MCM6: variants seen among roughly 807,000 people sequenced by gnomAD.
MCM6 encodes the protein DNA replication licensing factor MCM6.
Under a neutral mutation model 94.3 loss-of-function variants are expected in MCM6, and 46 were observed. That is an observed-to-expected ratio of 0.49 (90% CI 0.39 to 0.62). The LOEUF is 0.62. Among genes scored for constraint, MCM6 ranks in the 20% least tolerant of loss-of-function variants. The pLI is 0.00. For synonymous variants in MCM6, 335 were observed against 351.9 expected (o/e 0.95, Z 0.54); for missense variants, 865 against 1,017.9 (o/e 0.85, Z 2.04).
chr2:135,874,924 G>C (rs1680267933), intron 1 of MCM6, among the ~76,000 whole-genome samples: 1 of 152,144 alleles, frequency 6.6e-6, no homozygotes, highest in Non-Finnish European at 1.5e-5. Flanking sequence ...AGACACAAAA[G>C]GACAAATACT....
intron 11 of MCM6, among the ~76,000 whole-genome samples, chr2:135,854,582 A>T (rs1679839790): frequency 7.5e-6 from 1 of 132,892 alleles, no homozygotes; most frequent in African/African-American, 2.8e-5. Context: ...GAAAAAGAAA[A>T]GGCTTTTTGG....
intron 15 of MCM6, 96 bp downstream of exon 15, chr2:135,846,141 G>A (rs1679666422): frequency 5.5e-6 from 7 of 1,280,160 alleles, no homozygotes; most frequent in South Asian, 2.8e-5. Flanking sequence ...CCTCTCTTCC[G>A]ACAGAACAAC....
At chr2:135,856,427 TGA>T (rs1419863165) in intron 11 of MCM6, among the ~76,000 whole-genome samples, 1 of 152,146 alleles carries the variant, frequency 6.6e-6, no homozygotes, top group Non-Finnish European at 1.5e-5. Context: ...CAGTCTCCAG[TGA>T]GAGGCTGTTT....
chr2:135,866,656 C>A lies in MCM6; in HGVS notation c.688G>T (p.Ala230Ser), dbSNP rs1356179748. ...IPRSLEVILR[A>S]EAVESAQAGD... ...GCTTGAGCTGATTCCACAGCTTCAG[C>A]CCTTAAAATTACTTCTAAACTGCGG... is the stretch of plus-strand genomic sequence containing the variant. Residue 230 changes from alanine to serine, a missense_variant, in exon 5 of 17, where the codon GCT (alanine) becomes TCT (serine). Around this residue, in one of 3 missense-constraint regions of MCM6, gnomAD observed 404 missense variants for 451.9 expected, o/e 0.89. Transcript: ENST00000264156. 2 of 1,614,014 alleles carry A rather than the reference C, an allele frequency of 1.2e-6. No individual in the cohort carries two copies. The highest frequency in any genetic ancestry group is 2.7e-5 in the African/African-American group (2 of 74,910).
intron 15 of MCM6, among the ~76,000 whole-genome samples, chr2:135,845,015 C>A (rs114203000): frequency 1.6e-3 from 248 of 152,282 alleles, no homozygotes; most frequent in African/African-American, 5.8e-3. Context: ...TCTGAGAATG[C>A]TTGCCAACAG....
chr2:135,842,526 TCA>T (rs1215850317), intron 16 of MCM6, among the ~76,000 whole-genome samples: 1 of 152,144 alleles, frequency 6.6e-6, no homozygotes, highest in African/African-American at 2.4e-5. Flanking sequence ...GTCTCTACCC[TCA>T]CAGAGCTTAT....
chr2:135,872,838 T>C lies in MCM6; in HGVS notation c.113A>G (p.Gln38Arg), dbSNP rs538983384. The change falls in exon 2 of 17, where the codon CAG (glutamine) becomes CGG (arginine). Residue 38 changes from glutamine (Q) to arginine (R), a missense_variant. By Grantham distance (43) the Gln-to-Arg change is conservative. Around this residue, in one of 3 missense-constraint regions of MCM6, gnomAD observed 404 missense variants for 451.9 expected, o/e 0.89. Transcript: ENST00000264156. The part of the protein sequence containing the change: ...KLFLDFLEEF[Q>R]SSDGEIKYLQ... ...GTATTTAATTTCTCCATCGCTGCTC[T>C]GAAACCTGCAGGTACATTCGAGTCA... 6.2e-7 allele frequency: 1 copy of C among 1,614,052 alleles called. No individual in the cohort carries two copies. Among genetic ancestry groups the C allele is most frequent in the African/African-American group, 1.3e-5 (1 of 75,050 alleles).
intron 7 of MCM6, among the ~76,000 whole-genome samples, chr2:135,863,670 T>C (rs1208623480): frequency 1.3e-5 from 2 of 152,020 alleles, no homozygotes; most frequent in South Asian, 2.1e-4. Flanking sequence ...GTTGAGGCTG[T>C]AGTAGGCAAT....
chr2:135,866,083 C>G lies in MCM6; in HGVS notation c.927+49G>C, dbSNP rs1553439181. 4.4e-6 allele frequency: 7 copies of G among 1,604,800 alleles called. 1 individual carries two copies. The highest frequency in any genetic ancestry group is 1.3e-5 in the African/African-American group (1 of 74,530). Reference sequence around the variant, plus strand: ...TGCCATTGCACTCCAGCCTGGGTGACAGAGAGAGACTGTTTCAAAAACAAA... The same window carrying G: ...TGCCATTGCACTCCAGCCTGGGTGAGAGAGAGAGACTGTTTCAAAAACAAA... On this transcript the variant is annotated intron_variant, in intron 6 of 16. Transcript: ENST00000264156.
rs139460893 is a variant in MCM6 at position 135,872,788 on chromosome 2, G to T, written c.163C>A (p.Arg55Ser). The T allele has an allele frequency of 8.4e-5, 135 of 1,614,016 alleles. 1 individual carries two copies. The Middle Eastern group carries it at 4.1e-3, about 49-fold the overall frequency. The change falls in exon 2 of 17, where the codon CGT becomes AGT. Residue 55 changes from arginine (R) to serine (S), a missense_variant. Around this residue, in one of 3 missense-constraint regions of MCM6, gnomAD observed 404 missense variants for 451.9 expected, o/e 0.89. Coordinates refer to ENST00000264156, the MANE Select transcript of MCM6 (RefSeq NM_005915.6). ...KYLQLAEELI[R>S]PERNTLVVSF... ...ACAACCAATGTGTTTCTCTCAGGAC[G>T]AATCAGTTCCTCTGCTAATTGCAAG...
intron 1 of MCM6, 152 bp from the exon 2 acceptor site, chr2:135,872,995 C>A: frequency 1.1e-6 from 1 of 905,044 alleles, no homozygotes; most frequent in Non-Finnish European, 1.7e-6. Context: ...CTCCTCCCTT[C>A]TGATATGGTT....
rs201824504 is a variant in MCM6, at chr2:135,866,725, G to A, written c.619C>T (p.Arg207Cys). The change falls in exon 5 of 17, where the codon CGT becomes TGT. Residue 207 changes from arginine (R) to cysteine (C), a missense_variant. By Grantham distance (180) the Arg-to-Cys change is radical. Transcript: ENST00000264156. ...AGCTCAGCTTGGGTCTCTTGAATAC[G>A]AACCTGTAATACAGACAAACAACCA... ...KSRFVDFQKV[R>C]IQETQAELPR... 16 of 1,605,458 alleles carry A rather than the reference G, an allele frequency of 1.0e-5. No homozygotes were observed. In the African/African-American group the frequency reaches 1.6e-4, roughly 16 times the overall value.
chr2:135,841,033 G>A, intron 16 of MCM6, 82 bp from the exon 17 acceptor site: 2 of 964,520 alleles, frequency 2.1e-6, no homozygotes, highest in Non-Finnish European at 1.6e-6. Context: ...CCCTTCTTCC[G>A]AGTGTTTGCT....
Position 135,872,688 on chromosome 2 carries a change from T to C in MCM6, c.254+9A>G. On this transcript the variant is annotated intron_variant, in intron 2 of 16. Transcript: ENST00000264156. ...CTATTCAAAGTAAAGAAGATTAATA[T>C]GCCCATACCTATAGAACTCCTCTTG... 6.2e-7 allele frequency: 1 copy of C among 1,611,598 alleles called. No homozygotes were observed. The highest frequency in any genetic ancestry group is 2.2e-5 in the East Asian group (1 of 44,804).
chr2:135,870,370 C>T lies in MCM6; in HGVS notation c.255-9G>A. ...ACAGGTAAGGGTAAACTCTGAAAAACAAAAAAGTCAGCTGATACCTTAGAG... is the reference window on the plus strand; with the variant it reads ...ACAGGTAAGGGTAAACTCTGAAAAATAAAAAAGTCAGCTGATACCTTAGAG... On this transcript the variant is annotated splice_polypyrimidine_tract_variant and intron_variant, in intron 2 of 16. Coordinates refer to ENST00000264156, the MANE Select transcript of MCM6 (RefSeq NM_005915.6). 1 of 1,602,624 alleles carries T rather than the reference C, an allele frequency of 6.2e-7. No homozygotes were observed. Among genetic ancestry groups the T allele is most frequent in the Non-Finnish European group, 8.5e-7 (1 of 1,170,464 alleles).
At chr2:135,870,582 C>T (rs7572230) in intron 2 of MCM6, among the ~76,000 whole-genome samples, 2 of 152,200 alleles carry the variant, frequency 1.3e-5, no homozygotes, top group Admixed American at 1.3e-4. Context: ...CATACCATAC[C>T]TGATTATCAT....
At chr2:135,875,714 T>C (rs1680282095) in intron 1 of MCM6, among the ~76,000 whole-genome samples, 1 of 152,142 alleles carries the variant, frequency 6.6e-6, no homozygotes, top group Non-Finnish European at 1.5e-5. Flanking sequence ...TATGGTGAGC[T>C]ACTCTCTGCA....
Position 135,852,411 on chromosome 2 carries a change from T to C in MCM6, c.1755+376A>G, listed in dbSNP as rs569910749. On this transcript the variant is annotated intron_variant, in intron 12 of 16. Coordinates refer to ENST00000264156, the MANE Select transcript of MCM6 (RefSeq NM_005915.6). Reference sequence around the variant, plus strand: ...AAACAGTAATTTATATTTATCATAATGGCCTAGATGAATCCAATGTTTCCT... The same window carrying C: ...AAACAGTAATTTATATTTATCATAACGGCCTAGATGAATCCAATGTTTCCT... Among the ~76,000 whole-genome samples, 8 of 152,290 alleles carry C rather than the reference T, an allele frequency of 5.3e-5. No homozygotes were observed. In the East Asian group the frequency reaches 1.4e-3, roughly 26 times the overall value.
At chr2:135,873,001 T>C (rs535112629) in intron 1 of MCM6, among the ~76,000 whole-genome samples, 158 bp from the exon 2 acceptor site, 11 of 152,296 alleles carry the variant, frequency 7.2e-5, no homozygotes, top group African/African-American at 2.6e-4. Flanking sequence ...CCTTCTGATA[T>C]GGTTTGGCTG....
Sources: gnomAD v4.1 joint callset for allele counts (sites outside exome capture counted in the v4.1 genomes callset) on GRCh38, gnomAD v4.1.1 for gene constraint, gnomAD v4.1.1 regional missense constraint, MANE v1.5 for transcripts, NCBI Gene and HGNC (gene_info 2026-07-23, HGNC 2026-07-21) for gene names.